Variants in TRMT10B observed in about 807,000 individuals in gnomAD.
The protein encoded by TRMT10B is tRNA methyltransferase 10 homolog B.
A neutral mutation model predicts 43.8 loss-of-function variants in TRMT10B; 33 were observed. The ratio of observed to expected loss-of-function variants is 0.75; its 90% CI spans 0.57 to 1.01. The LOEUF (loss-of-function observed/expected upper bound fraction) is 1.01, where lower values mean the gene tolerates loss of function less well. Ranked by LOEUF, TRMT10B falls within the 50% of genes least tolerant of loss-of-function variation. TRMT10B has a pLI of 0.00. For synonymous variants in TRMT10B, 137 were observed against 130.6 expected (o/e 1.05, Z -0.34); for missense variants, 362 against 369.8 (o/e 0.98, Z 0.17).
At chr9:37,770,889 G>A in intron 7 of TRMT10B, 150 bp downstream of exon 7, 2 of 688,744 alleles carry the variant, frequency 2.9e-6, no homozygotes, top group Non-Finnish European at 4.5e-6. Context: ...CCCTCTGGCT[G>A]GTGAAGTTCC....
intron 2 of TRMT10B, 97 bp downstream of exon 2, chr9:37,762,214 G>T: frequency 1.5e-6 from 2 of 1,319,472 alleles, no homozygotes; most frequent in South Asian, 1.5e-5. Flanking sequence ...AAAGAGAGAC[G>T]GAATGAGTTT....
rs779420917 is a variant in TRMT10B at position 37,776,314 on chromosome 9, T to C, written c.753T>C (p.Ser251=). 1.4e-5 allele frequency: 22 copies of C among 1,603,088 alleles called. No homozygotes were observed. The highest frequency in any genetic ancestry group is 1.1e-4 in the East Asian group (5 of 44,160). ...CATTTCAAAAGGCCCGGGAATACTC[T>C]GTCAAGACCGCACGCTTGCCAATCC... ...KVTFQKAREY[S]VKTARLPIQE... Residue 251 remains serine (S), a synonymous_variant, in exon 8 of 9, where the codon TCT becomes TCC. Transcript: ENST00000297994.
chr9:37,769,179 G>A (rs1396599287), intron 5 of TRMT10B, among the ~76,000 whole-genome samples: 2 of 151,654 alleles, frequency 1.3e-5, no homozygotes, highest in African/African-American at 2.4e-5. Context: ...GCAGTGGTGC[G>A]CGCCTGTAGT....
At chr9:37,772,101 T>C (rs1481195170) in intron 7 of TRMT10B, among the ~76,000 whole-genome samples, 1 of 152,168 alleles carries the variant, frequency 6.6e-6, no homozygotes, top group Admixed American at 6.5e-5. Context: ...AGCCGCAATC[T>C]CATGGGCTCA....
At chr9:37,769,667 G>T in intron 5 of TRMT10B, 6 of 343,902 alleles carry the variant, frequency 1.7e-5, no homozygotes, top group Non-Finnish European at 2.7e-5. Flanking sequence ...GCATGATCTT[G>T]GCTCTCTGCA....
In TRMT10B at chr9:37,762,722, A is replaced by AT. The variant is rs1179033491; in HGVS notation, c.295+43dup. The AT allele has an allele frequency of 5.9e-6, 9 of 1,530,334 alleles. No homozygotes were observed. In the African/African-American group the frequency reaches 7.0e-5, roughly 12 times the overall value. 94.8% of individuals were successfully genotyped at this position (1,530,334 alleles called of 1,614,324 possible). On this transcript the variant is annotated intron_variant, in intron 3 of 8. Coordinates refer to ENST00000297994, the MANE Select transcript of TRMT10B (RefSeq NM_144964.4). ...TGAGACTGTTGGTATAATAATATTT[A>AT]TTTTTTAGCAAACGTGTCTGCATGT...
intron 7 of TRMT10B, among the ~76,000 whole-genome samples, chr9:37,773,099 G>T (rs1349100246): frequency 1.3e-5 from 2 of 152,140 alleles, no homozygotes; most frequent in Non-Finnish European, 2.9e-5. Flanking sequence ...AGCTTACTTT[G>T]AAATGGTTTG....
chr9:37,755,290 AAAGT>A (rs1825525147), intron 1 of TRMT10B, among the ~76,000 whole-genome samples: 1 of 94,258 alleles, frequency 1.1e-5, no homozygotes, highest in Admixed American at 1.1e-4. Flanking sequence ...TTTTTTTTTT[AAAGT>A]TAGTTTCACT....
At chr9:37,754,075 G>C (rs1243101309) in intron 1 of TRMT10B, among the ~76,000 whole-genome samples, 1 of 152,240 alleles carries the variant, frequency 6.6e-6, no homozygotes, top group East Asian at 1.9e-4. Context: ...GGCTGAATTC[G>C]ATGTGCCATC....
At chr9:37,756,775 CAT>C (rs1491121007) in intron 1 of TRMT10B, among the ~76,000 whole-genome samples, 20 of 150,178 alleles carry the variant, frequency 1.3e-4, no homozygotes, top group Admixed American at 5.3e-4. Context: ...CACATATATA[CAT>C]ATGTGTATAC....
chr9:37,758,970 A>G (rs1563985570), intron 1 of TRMT10B, among the ~76,000 whole-genome samples: 2 of 152,210 alleles, frequency 1.3e-5, no homozygotes, highest in African/African-American at 4.8e-5. Flanking sequence ...GGAGTGGTGT[A>G]GCAAAGGAGC....
intron 1 of TRMT10B, among the ~76,000 whole-genome samples, chr9:37,756,057 C>G (rs944126709): frequency 2.0e-5 from 3 of 152,180 alleles, no homozygotes; most frequent in African/African-American, 7.2e-5. Flanking sequence ...AGAGAAATCT[C>G]TAGATCCATT....
At chr9:37,762,529 T>G in intron 2 of TRMT10B, 48 bp from the exon 3 acceptor site, 3 of 1,528,758 alleles carry the variant, frequency 2.0e-6, no homozygotes, top group Non-Finnish European at 2.6e-6. Flanking sequence ...TTTCCTTTTT[T>G]GGTGCTTATG....
chr9:37,757,434 C>T (rs1211283867), intron 1 of TRMT10B, among the ~76,000 whole-genome samples: 1 of 152,172 alleles, frequency 6.6e-6, no homozygotes, highest in Non-Finnish European at 1.5e-5. Context: ...ATGCATGCCA[C>T]TAATTCTTTG....
chr9:37,762,919 G>T (rs1263636583), intron 3 of TRMT10B, among the ~76,000 whole-genome samples: 10 of 148,858 alleles, frequency 6.7e-5, no homozygotes, highest in Non-Finnish European at 4.4e-5. Context: ...GATTTGCGAG[G>T]TCAGGAGATC....
intron 1 of TRMT10B, among the ~76,000 whole-genome samples, chr9:37,758,437 T>C (rs1825947193): frequency 6.6e-6 from 1 of 152,110 alleles, no homozygotes. Context: ...ACAAATTTGG[T>C]TTACAAATTT....
At chr9:37,761,873 A>G (rs1826373051) in intron 1 of TRMT10B, 30 bp from the exon 2 acceptor site, 1 of 1,467,196 alleles carries the variant, frequency 6.8e-7, no homozygotes, top group Non-Finnish European at 9.4e-7. Context: ...GAAATAATGT[A>G]ATAGCTCACA....
At chr9:37,777,193 TC>T (rs1375728282) in intron 8 of TRMT10B, among the ~76,000 whole-genome samples, 36 of 14,282 alleles carry the variant, frequency 2.5e-3, no homozygotes, top group African/African-American at 0.014. Flanking sequence ...CAACTCCGCC[TC>T]AAAAAAAAAA....
intron 1 of TRMT10B, among the ~76,000 whole-genome samples, chr9:37,756,763 TAC>T (rs1554675057): frequency 2.6e-5 from 4 of 151,508 alleles, no homozygotes; most frequent in South Asian, 2.1e-4. Context: ...CATATATATA[TAC>T]ACATATATAC....
Sources: gnomAD v4.1 joint callset for allele counts (sites outside exome capture counted in the v4.1 genomes callset) on GRCh38, gnomAD v4.1.1 for gene constraint, MANE v1.5 for transcripts, NCBI Gene and HGNC (gene_info 2026-07-23, HGNC 2026-07-21) for gene names.